Variants in MIB1 observed in about 807,000 individuals in gnomAD.
MIB1 encodes the protein MIB E3 ubiquitin protein ligase 1.
A neutral mutation model predicts 124.5 loss-of-function variants in MIB1; 278 were observed. That is an observed-to-expected ratio of 2.23 (90% CI 2.02 to 2.47). MIB1 has a LOEUF of 2.47. MIB1 is among the 30% of genes most tolerant of loss of function. MIB1 has a pLI of 0.00. For missense variants in MIB1, 957 were observed against 1,254.4 expected, an observed-to-expected ratio of 0.76 and a Z score of 3.58; for synonymous variants, 446 against 429.4, an observed-to-expected ratio of 1.04 and a Z score of -0.48.
chr18:21,790,674 A>G (rs1441547935), intron 6 of MIB1, among the ~76,000 whole-genome samples: 1 of 152,244 alleles, frequency 6.6e-6, no homozygotes, highest in Non-Finnish European at 1.5e-5. Flanking sequence ...AGAGTAGAAT[A>G]TTAATAGTGG....
chr18:21,808,813 A>G lies in MIB1; in HGVS notation c.1479+4799A>G, dbSNP rs569249812. On this transcript the variant is annotated intron_variant, in intron 10 of 20. Coordinates refer to ENST00000261537, the MANE Select transcript of MIB1 (RefSeq NM_020774.4). ...TTTTCCCCCACTGATGAAGTATAAT[A>G]GTAAAGGTATGGAGATTTGGATGGG... Among the ~76,000 whole-genome samples the G allele has an allele frequency of 3.9e-4, 59 of 152,266 alleles. No individual in the cohort carries two copies. In the South Asian group the frequency reaches 0.012, roughly 31 times the overall value.
intron 1 of MIB1, among the ~76,000 whole-genome samples, chr18:21,764,306 C>T (rs1054577202): frequency 6.6e-6 from 1 of 152,094 alleles, no homozygotes. Flanking sequence ...CCTCCCCTCC[C>T]TTTCCCTCAA....
intron 1 of MIB1, among the ~76,000 whole-genome samples, chr18:21,726,573 A>G (rs553211320): frequency 6.6e-6 from 1 of 152,292 alleles, no homozygotes; most frequent in East Asian, 1.9e-4. Context: ...AAAAGATGAT[A>G]GGGTTCAGAG....
chr18:21,762,917 G>A (rs113632835), intron 1 of MIB1, among the ~76,000 whole-genome samples: 3 of 152,128 alleles, frequency 2.0e-5, no homozygotes, highest in East Asian at 1.9e-4. Flanking sequence ...GTCTGGGATA[G>A]GTGATGATTC....
rs199619531 is a variant in MIB1 at position 21,761,219 on chromosome 18, C to T, written c.230-4553C>T. 5.7e-5 allele frequency among the ~76,000 whole-genome samples: 8 copies of T among 141,128 alleles called. No homozygotes were observed. In the East Asian group the frequency reaches 1.6e-3, roughly 29 times the overall value. The allele number at this position is 141,128 out of a possible 152,430, so 92.6% of individuals were successfully genotyped here. A position where few individuals can be genotyped will look rare whatever the true frequency, so the allele number is the denominator to read the frequency against. The stretch of plus-strand genomic sequence containing the variant: ...AGTTGCAAAACTATTCTCGGTCACA[C>T]AAAGTGGTTTTTTTTTTTTTTAAGG... On this transcript the variant is annotated intron_variant, in intron 1 of 20. Transcript: ENST00000261537.
rs2042336450 is a variant in MIB1, at chr18:21,868,594, T to C, written c.*3928T>C. On this transcript the variant is annotated 3_prime_UTR_variant, in exon 21 of 21. Coordinates refer to ENST00000261537, the MANE Select transcript of MIB1 (RefSeq NM_020774.4). Reference sequence around the variant, plus strand: ...AGATTTTCATAAATTATGTGTGCCTTGTTGGAAGTGTCAACTGTCTTTATG... The same window carrying C: ...AGATTTTCATAAATTATGTGTGCCTCGTTGGAAGTGTCAACTGTCTTTATG... 6.6e-6 allele frequency: 1 copy of C among 152,482 alleles called. No individual in the cohort carries two copies. The highest frequency in any genetic ancestry group is 6.5e-5 in the Admixed American group (1 of 15,268). 9.4% of individuals were successfully genotyped at this position (152,482 alleles called of 1,614,324 possible).
chr18:21,707,724 A>G (rs923727689), intron 1 of MIB1, among the ~76,000 whole-genome samples: 1 of 152,210 alleles, frequency 6.6e-6, no homozygotes, highest in African/African-American at 2.4e-5. Flanking sequence ...CAGTGAGACC[A>G]AGAACCCACT....
At chr18:21,859,392 C>CAAAA (rs55876332) in intron 20 of MIB1, among the ~76,000 whole-genome samples, 1 of 122,052 alleles carries the variant, frequency 8.2e-6, no homozygotes, top group African/African-American at 3.6e-5. Context: ...GACCCCATCT[C>CAAAA]AAAAAAAAAA....
rs1227455523 is a variant in MIB1, at chr18:21,835,784, A to AT, written c.1830-2581_1830-2580insT. ...GACTCCATCTCAAGAAAAAAAAAAA[A>AT]ATATATATATATATATCCACACACA... On this transcript the variant is annotated intron_variant, in intron 12 of 20. Transcript: ENST00000261537. Among the ~76,000 whole-genome samples the AT allele has an allele frequency of 8.4e-3, 1,004 of 119,294 alleles. 20 individuals are homozygous for AT. Among genetic ancestry groups the AT allele is most frequent in the African/African-American group, 0.025 (726 of 29,046 alleles). 78.3% of individuals were successfully genotyped at this position (119,294 alleles called of 152,430 possible). A position where few individuals can be genotyped will look rare whatever the true frequency, so the allele number is the denominator to read the frequency against.
intron 6 of MIB1, among the ~76,000 whole-genome samples, chr18:21,784,661 A>AT: frequency 6.6e-6 from 1 of 152,290 alleles, no homozygotes; most frequent in Non-Finnish European, 1.5e-5. Context: ...GGCTATACAG[A>AT]TATAGGAGCT....
chr18:21,763,411 T>C (rs2041121748), intron 1 of MIB1, among the ~76,000 whole-genome samples: 1 of 152,150 alleles, frequency 6.6e-6, no homozygotes, highest in African/African-American at 2.4e-5. Flanking sequence ...TCGTTCCTGG[T>C]TCATTGAACA....
chr18:21,729,084 A>C (rs2040755981), intron 1 of MIB1, among the ~76,000 whole-genome samples: 2 of 152,220 alleles, frequency 1.3e-5, no homozygotes, highest in South Asian at 4.1e-4. Context: ...AGGTGCCTGC[A>C]GAGGTGATCT....
intron 2 of MIB1, among the ~76,000 whole-genome samples, chr18:21,766,313 G>GA (rs2041158257): frequency 2.0e-5 from 3 of 152,144 alleles, no homozygotes; most frequent in African/African-American, 7.2e-5. Context: ...TGAGTCAGTA[G>GA]GCATTTATTA....
intron 17 of MIB1, among the ~76,000 whole-genome samples, chr18:21,851,770 T>G (rs1207227089): frequency 6.6e-6 from 1 of 152,202 alleles, no homozygotes; most frequent in Non-Finnish European, 1.5e-5. Flanking sequence ...CCCGGCTATA[T>G]GTACAGACAT....
At chr18:21,831,696 C>T (rs1482235797) in intron 12 of MIB1, among the ~76,000 whole-genome samples, 1 of 151,768 alleles carries the variant, frequency 6.6e-6, no homozygotes, top group Non-Finnish European at 1.5e-5. Context: ...AAAGCGGTCT[C>T]TCATGTTTCC....
At chr18:21,780,036 T>C (rs1415665971) in intron 6 of MIB1, among the ~76,000 whole-genome samples, 6 of 152,212 alleles carry the variant, frequency 3.9e-5, no homozygotes, top group Non-Finnish European at 8.8e-5. Context: ...ACTATATCAG[T>C]CTACCCTGAA....
At position 21,867,846 on chromosome 18, in the gene MIB1, A is replaced by AATTAGTT. The variant is rs2042330816; in HGVS notation, c.*3180_*3181insATTAGTT. 6.6e-6 allele frequency: 1 copy of AATTAGTT among 152,522 alleles called. No individual in the cohort carries two copies. The highest frequency in any genetic ancestry group is 1.5e-5 in the Non-Finnish European group (1 of 67,948). The allele number at this position is 152,522 out of a possible 1,614,324, so 9.4% of individuals were successfully genotyped here. On this transcript the variant is annotated 3_prime_UTR_variant, in exon 21 of 21. Transcript: ENST00000261537. ...ACTCTGAATTCTGGACCCTTTTTGG[A>AATTAGTT]CTAAGAATTAGTTAAATTCATGAAC...
intron 18 of MIB1, among the ~76,000 whole-genome samples, chr18:21,856,247 C>CAAAA (rs1598644988): frequency 2.2e-5 from 2 of 89,054 alleles, no homozygotes; most frequent in Admixed American, 2.2e-4. Context: ...AAAAAAAAAA[C>CAAAA]AAAAAACAAA....
intron 4 of MIB1, among the ~76,000 whole-genome samples, chr18:21,777,684 A>C (rs1451283500): frequency 6.6e-6 from 1 of 152,044 alleles, no homozygotes; most frequent in Non-Finnish European, 1.5e-5. Flanking sequence ...CCTCCTGAGC[A>C]TCTGGGATTA....
Sources: allele counts gnomAD v4.1 joint callset (sites outside exome capture counted in the v4.1 genomes callset), GRCh38; gene constraint gnomAD v4.1.1; transcripts MANE v1.5; gene names NCBI Gene and HGNC (gene_info 2026-07-23, HGNC 2026-07-21).